TERB1: variants seen among roughly 807,000 people sequenced by gnomAD.
The protein encoded by TERB1 is telomere repeat binding bouquet formation protein 1, also known as telomere repeats-binding bouquet formation protein 1.
TERB1 carries 63 observed loss-of-function variants against 92.3 expected under a neutral mutation model. The ratio of observed to expected loss-of-function variants is 0.68; its 90% CI spans 0.56 to 0.84. The LOEUF is 0.84. Ranked by LOEUF, TERB1 falls within the 40% of genes least tolerant of loss-of-function variation. The pLI, the probability that TERB1 is intolerant of heterozygous loss-of-function variation, is 0.00. For synonymous variants in TERB1, 252 were observed against 283.9 expected, an observed-to-expected ratio of 0.89 and a Z score of 1.13; for missense variants, 709 against 843.7, an observed-to-expected ratio of 0.84 and a Z score of 1.98.
At chr16:66,759,688 C>T (rs1442743770) in intron 16 of TERB1, among the ~76,000 whole-genome samples, 1 of 147,436 alleles carries the variant, frequency 6.8e-6, no homozygotes, top group African/African-American at 2.5e-5. Flanking sequence ...GTCCCAACTG[C>T]TTGGGAGGCT....
In TERB1 at chr16:66,769,904, T is replaced by C. The variant is rs549516923; in HGVS notation, c.1619+59A>G. On this transcript the variant is annotated intron_variant, in intron 14 of 18. Coordinates refer to ENST00000433154, the MANE Select transcript of TERB1 (RefSeq NM_001136505.2). The stretch of plus-strand genomic sequence containing the variant: ...CAATATTTAACAGTGTGGCATACTG[T>C]AGTACACAATAAATGCTTGCTGAAT... 1.4e-4 allele frequency: 152 copies of C among 1,124,322 alleles called. 1 individual carries two copies. In the South Asian group the frequency reaches 2.2e-3, roughly 16 times the overall value. The allele number at this position is 1,124,322 out of a possible 1,614,324, so 69.6% of individuals were successfully genotyped here.
chr16:66,775,751 C>G (rs1275906777), intron 11 of TERB1, among the ~76,000 whole-genome samples: 1 of 144,374 alleles, frequency 6.9e-6, no homozygotes, highest in African/African-American at 2.6e-5. Flanking sequence ...CGCTCTGTCA[C>G]CCTGACTGGA....
At chr16:66,765,657 C>T (rs2145092559) in intron 16 of TERB1, among the ~76,000 whole-genome samples, 1 of 151,488 alleles carries the variant, frequency 6.6e-6, no homozygotes, top group Non-Finnish European at 1.5e-5. Context: ...GGGGTTTCAC[C>T]GTGTTGACCA....
chr16:66,787,459 A>G (rs1337682360), intron 6 of TERB1, among the ~76,000 whole-genome samples: 1 of 152,064 alleles, frequency 6.6e-6, no homozygotes, highest in African/African-American at 2.4e-5. Flanking sequence ...CAGAATTTCT[A>G]ACAGTTTGAA....
chr16:66,789,755 G>C (rs2018797093), intron 5 of TERB1, among the ~76,000 whole-genome samples: 1 of 148,430 alleles, frequency 6.7e-6, no homozygotes, highest in Non-Finnish European at 1.5e-5. Flanking sequence ...CTGTCACCCA[G>C]GTTAGAGTGC....
intron 16 of TERB1, among the ~76,000 whole-genome samples, chr16:66,766,266 T>C (rs2145097290): frequency 6.6e-6 from 1 of 151,722 alleles, no homozygotes; most frequent in South Asian, 2.1e-4. Flanking sequence ...GATTTTGCAA[T>C]TAGTATTAAA....
At chr16:66,756,645 A>G (rs1182541555) in intron 18 of TERB1, among the ~76,000 whole-genome samples, 1 of 152,168 alleles carries the variant, frequency 6.6e-6, no homozygotes, top group Non-Finnish European at 1.5e-5. Flanking sequence ...TCAGGACTAG[A>G]TTGGTTACTA....
At chr16:66,789,665 C>T (rs541296065) in intron 5 of TERB1, among the ~76,000 whole-genome samples, 1 of 145,466 alleles carries the variant, frequency 6.9e-6, no homozygotes, top group African/African-American at 2.5e-5. Flanking sequence ...ATCCCTGTAT[C>T]CCCAATGCCT....
At chr16:66,793,530 G>A (rs1158143355) in intron 3 of TERB1, among the ~76,000 whole-genome samples, 1 of 150,354 alleles carries the variant, frequency 6.7e-6, no homozygotes, top group Non-Finnish European at 1.5e-5. Context: ...GTTTTTTTTT[G>A]AAATGGAGTC....
intron 16 of TERB1, among the ~76,000 whole-genome samples, chr16:66,760,320 A>G (rs1011024383): frequency 7.0e-6 from 1 of 142,454 alleles, no homozygotes; most frequent in African/African-American, 2.6e-5. Flanking sequence ...TTAGCCAGGC[A>G]TGGTGGCGGG....
chr16:66,755,208 G>A, intron 18 of TERB1, 45 bp from the exon 19 acceptor site: 2 of 1,208,374 alleles, frequency 1.7e-6, no homozygotes, highest in Non-Finnish European at 2.4e-6. Flanking sequence ...CTGAACAAAG[G>A]TCCTGAGATG....
At chr16:66,795,152 T>C (rs1282269305) in intron 3 of TERB1, among the ~76,000 whole-genome samples, 1 of 152,146 alleles carries the variant, frequency 6.6e-6, no homozygotes, top group Non-Finnish European at 1.5e-5. Flanking sequence ...TGGAATGGAT[T>C]TAAATAGACA....
intron 2 of TERB1, among the ~76,000 whole-genome samples, chr16:66,797,234 CTTTTTTT>C (rs570658663): frequency 7.3e-6 from 1 of 137,876 alleles, no homozygotes; most frequent in East Asian, 2.1e-4. Flanking sequence ...CATTTCCTTC[CTTTTTTT>C]TTTTTTTTTT....
At chr16:66,796,539 C>T (rs2018931892) in intron 3 of TERB1, among the ~76,000 whole-genome samples, 1 of 152,312 alleles carries the variant, frequency 6.6e-6, no homozygotes, top group Middle Eastern at 3.4e-3. Context: ...TTCTTGTATA[C>T]ACTGACATTA....
intron 5 of TERB1, among the ~76,000 whole-genome samples, chr16:66,790,222 G>A (rs1011666975): frequency 6.9e-6 from 1 of 145,102 alleles, no homozygotes; most frequent in African/African-American, 2.5e-5. Flanking sequence ...GAAAGGAAAA[G>A]ACAGGGAAAA....
In TERB1 at chr16:66,792,221, C is replaced by T. The variant is rs74810279; in HGVS notation, c.32-1202G>A. Among the ~76,000 whole-genome samples the T allele has an allele frequency of 1.6e-4, 24 of 152,248 alleles. No individual in the cohort carries two copies. In the East Asian group the frequency reaches 4.2e-3, roughly 27 times the overall value. On this transcript the variant is annotated intron_variant, in intron 3 of 18. Transcript: ENST00000433154. ...GCATCTGATAAAATCCAACGTGCAT[C>T]CCTGATTAAAGAAAAATATTCCGCA...
At chr16:66,785,936 T>A in intron 8 of TERB1, 28 bp from the exon 9 acceptor site, 1 of 1,532,180 alleles carries the variant, frequency 6.5e-7, no homozygotes, top group South Asian at 1.2e-5. Flanking sequence ...CAATCATGAT[T>A]TAATATGACA....
At chr16:66,786,939 T>C (rs1555509300) in intron 6 of TERB1, among the ~76,000 whole-genome samples, 1 of 152,090 alleles carries the variant, frequency 6.6e-6, no homozygotes, top group Non-Finnish European at 1.5e-5. Context: ...TCCCCCTCTA[T>C]TGATGCCCAC....
chr16:66,763,824 G>GTTTGTCA (rs1375542198), intron 16 of TERB1, among the ~76,000 whole-genome samples: 1 of 152,190 alleles, frequency 6.6e-6, no homozygotes, highest in African/African-American at 2.4e-5. Flanking sequence ...TTCTCCATCA[G>GTTTGTCA]TTTGTCACCT....
Sources: gnomAD v4.1 joint callset for allele counts (sites outside exome capture counted in the v4.1 genomes callset) on GRCh38, gnomAD v4.1.1 for gene constraint, MANE v1.5 for transcripts, NCBI Gene and HGNC (gene_info 2026-07-23, HGNC 2026-07-21) for gene names.